Variants in NFATC1 observed in about 807,000 individuals in gnomAD.
NFATC1 encodes nuclear factor of activated T-cells, cytoplasmic 1.
In NFATC1, 22 loss-of-function variants were observed where a neutral mutation model predicts 76.0. The observed-to-expected ratio is 0.29, with a 90% CI of 0.21 to 0.41. The LOEUF (loss-of-function observed/expected upper bound fraction) is 0.41, where lower values mean the gene tolerates loss of function less well. NFATC1 is among the 10% of genes least tolerant of loss of function. The pLI is 1.00. For synonymous variants in NFATC1, 704 were observed against 613.1 expected, an observed-to-expected ratio of 1.15 and a Z score of -2.19; for missense variants, 1,357 against 1,337.7, an observed-to-expected ratio of 1.01 and a Z score of -0.23.
At chr18:79,423,814 T>C (rs1046105107) in intron 2 of NFATC1, among the ~76,000 whole-genome samples, 1 of 152,236 alleles carries the variant, frequency 6.6e-6, no homozygotes, top group Admixed American at 6.5e-5. Context: ...TTCCCTCCCA[T>C]GGGCACAGAG....
At chr18:79,441,688 A>G (rs2086982078) in intron 3 of NFATC1, among the ~76,000 whole-genome samples, 1 of 151,154 alleles carries the variant, frequency 6.6e-6, no homozygotes, top group African/African-American at 2.4e-5. Flanking sequence ...AGGCGACGCG[A>G]CTCTCAGTGG....
In NFATC1 at chr18:79,471,641, T is replaced by TG. The variant is rs368967519; in HGVS notation, c.2092+4064dup. 5.2e-3 allele frequency among the ~76,000 whole-genome samples: 793 copies of TG among 152,284 alleles called. 10 individuals carry two copies. Among genetic ancestry groups the TG allele is most frequent in the African/African-American group, 0.018 (737 of 41,552 alleles). On this transcript the variant is annotated intron_variant, in intron 8 of 9. Coordinates refer to ENST00000427363, the MANE Select transcript of NFATC1 (RefSeq NM_001278669.2). The stretch of plus-strand genomic sequence containing the variant: ...GAACACACAGCCAGCCCTGCCTCTG[T>TG]GGGGGTCCCTTTCGTGGCCAGAGCC...
At position 79,522,035 on chromosome 18, in the gene NFATC1, G is replaced by T. The variant is rs536243475; in HGVS notation, c.2783-5493G>T. On this transcript the variant is annotated intron_variant, in intron 9 of 9. Coordinates refer to ENST00000427363, the MANE Select transcript of NFATC1 (RefSeq NM_001278669.2). ...TGTGGGGGGGCGTCTGCTGATGTGT[G>T]TGTTTTGTGTGTGGGGAGGGGGCGT... Among the ~76,000 whole-genome samples, 23 of 98,522 alleles carry T rather than the reference G, an allele frequency of 2.3e-4. No individual in the cohort carries two copies. The South Asian group carries it at 0.01, about 44-fold the overall frequency. The allele number at this position is 98,522 out of a possible 152,430, so 64.6% of individuals were successfully genotyped here. A position where few individuals can be genotyped will look rare whatever the true frequency, so the allele number is the denominator to read the frequency against.
chr18:79,473,604 GCGTGTTCT>G (rs2088882614), intron 8 of NFATC1, among the ~76,000 whole-genome samples: 4 of 143,530 alleles, frequency 2.8e-5, no homozygotes, highest in Non-Finnish European at 6.0e-5. Context: ...CCTGAGGGAA[GCGTGTTCT>G]CACACTCACT....
At chr18:79,398,800 G>A (rs1458776687) in intron 1 of NFATC1, among the ~76,000 whole-genome samples, 1 of 152,278 alleles carries the variant, frequency 6.6e-6, no homozygotes, top group Non-Finnish European at 1.5e-5. Context: ...CGGGCGCCGC[G>A]GCTCACGCCT....
At chr18:79,517,987 ATTCT>A (rs1405924554) in intron 9 of NFATC1, among the ~76,000 whole-genome samples, 1 of 152,244 alleles carries the variant, frequency 6.6e-6, no homozygotes, top group Non-Finnish European at 1.5e-5. Flanking sequence ...CACATTGTTT[ATTCT>A]TTAAGCCCAA....
intron 6 of NFATC1, among the ~76,000 whole-genome samples, chr18:79,455,802 G>A (rs1365661439): frequency 6.7e-6 from 1 of 150,332 alleles, no homozygotes; most frequent in African/African-American, 2.5e-5. Flanking sequence ...TCCCACGGCC[G>A]CCCCATCCTC....
At chr18:79,434,799 C>T (rs911734713) in intron 3 of NFATC1, among the ~76,000 whole-genome samples, 2 of 152,208 alleles carry the variant, frequency 1.3e-5, no homozygotes, top group East Asian at 1.9e-4. Context: ...CAGCAGCCGG[C>T]GGCAGGGAAT....
At position 79,448,963 on chromosome 18, in the gene NFATC1, C is replaced by T. The variant is rs1200856303; in HGVS notation, c.1568C>T (p.Pro523Leu). ...NTKVLEIPLLPENSMRAVIDC... is the reference protein window; with the variant it reads ...NTKVLEIPLLLENSMRAVIDC... ...AAAGTCCTGGAGATCCCACTCCTGC[C>T]GGAGAACAGCATGCGAGCCGTGTAA... is the stretch of plus-strand genomic sequence containing the variant. Residue 523 changes from proline to leucine, a missense_variant, in exon 4 of 10, where the codon CCG (proline) becomes CTG (leucine). Pro to Leu is a moderately conservative substitution (Grantham distance 98). This residue lies in a region of NFATC1 where 242 missense variants were observed against 329.2 expected (regional missense o/e 0.74). Transcript: ENST00000427363. 3 of 1,613,230 alleles carry T rather than the reference C, an allele frequency of 1.9e-6. No individual in the cohort carries two copies. Among genetic ancestry groups the T allele is most frequent in the African/African-American group, 2.7e-5 (2 of 75,044 alleles).
chr18:79,468,642 AC>A (rs2144938200), intron 8 of NFATC1: 1 of 152,376 alleles, frequency 6.6e-6, no homozygotes, highest in African/African-American at 2.4e-5. Flanking sequence ...TTTGTAATAG[AC>A]CAGATCCTAA....
At chr18:79,490,340 C>T (rs539570512) in intron 9 of NFATC1, among the ~76,000 whole-genome samples, 1 of 147,152 alleles carries the variant, frequency 6.8e-6, no homozygotes, top group South Asian at 2.2e-4. Context: ...CTCAGGCTCT[C>T]GGTCATGGTG....
At chr18:79,425,027 C>G (rs1291978659) in intron 2 of NFATC1, among the ~76,000 whole-genome samples, 8 of 147,842 alleles carry the variant, frequency 5.4e-5, no homozygotes, top group African/African-American at 1.6e-4. Context: ...CTGTCTCCAT[C>G]TCTCTCCATC....
At chr18:79,402,493 G>A (rs954624883) in intron 1 of NFATC1, 40 of 724,426 alleles carry the variant, frequency 5.5e-5, no homozygotes, top group East Asian at 3.9e-4. Flanking sequence ...TGGGCCCTCC[G>A]GAGCTGCGCC....
chr18:79,486,565 C>A lies in NFATC1; in HGVS notation c.2410C>A (p.Pro804Thr), dbSNP rs888516413. 1.3e-6 allele frequency: 2 copies of A among 1,593,244 alleles called. No homozygotes were observed. The highest frequency in any genetic ancestry group is 1.7e-6 in the Non-Finnish European group (2 of 1,174,690). ...AGAGGCCCCCGCCGTCCAGGACGTG[C>A]CCAGGCCAGTGGCCACGCACCCCGG... ...AGEAPAVQDV[P>T]RPVATHPGSP... The change falls in exon 9 of 10, where the codon CCC (proline) becomes ACC (threonine). Residue 804 changes from proline to threonine, a missense_variant. Physicochemically the swap from Pro to Thr is conservative, Grantham distance 38. Around this residue, in one of 3 missense-constraint regions of NFATC1, gnomAD observed 424 missense variants for 395.4 expected, o/e 1.07. Transcript: ENST00000427363.
intron 4 of NFATC1, among the ~76,000 whole-genome samples, chr18:79,450,321 A>G (rs1473327553): frequency 2.0e-5 from 3 of 151,950 alleles, no homozygotes; most frequent in Non-Finnish European, 4.4e-5. Flanking sequence ...GAAACCATAG[A>G]AAAAATGGGT....
chr18:79,415,191 G>A (rs2085835744), intron 2 of NFATC1, among the ~76,000 whole-genome samples: 1 of 152,198 alleles, frequency 6.6e-6, no homozygotes, highest in South Asian at 2.1e-4. Context: ...GTAGAGGCAA[G>A]GTTGTAGGGG....
intron 8 of NFATC1, chr18:79,470,834 C>CG (rs2088758284): frequency 6.6e-6 from 1 of 152,266 alleles, no homozygotes; most frequent in African/African-American, 2.4e-5. Flanking sequence ...AGGGGGCCCC[C>CG]GGGCTCAGGT....
intron 6 of NFATC1, among the ~76,000 whole-genome samples, chr18:79,457,826 C>A (rs1332194836): frequency 6.6e-6 from 1 of 152,158 alleles, no homozygotes; most frequent in Non-Finnish European, 1.5e-5. Flanking sequence ...GGCTGTGGTG[C>A]CTGGCAGCTT....
chr18:79,477,125 A>AT (rs2089105903), intron 8 of NFATC1, among the ~76,000 whole-genome samples: 1 of 152,206 alleles, frequency 6.6e-6, no homozygotes, highest in African/African-American at 2.4e-5. Flanking sequence ...GGGATGGGTG[A>AT]TAAGGCAGCT....
Sources: allele counts gnomAD v4.1 joint callset (sites outside exome capture counted in the v4.1 genomes callset), GRCh38; gene constraint gnomAD v4.1.1; regional missense constraint gnomAD v4.1.1; transcripts MANE v1.5; gene names NCBI Gene and HGNC (gene_info 2026-07-23, HGNC 2026-07-21).